The following CFAP44 variants were observed in gnomAD, a reference collection of about 807,000 sequenced individuals.
The protein encoded by CFAP44 is cilia- and flagella-associated protein 44.
A neutral mutation model predicts 216.2 loss-of-function variants in CFAP44; 134 were observed. That is an observed-to-expected ratio of 0.62 (90% CI 0.54 to 0.72). The LOEUF is 0.72. Ranked by LOEUF, CFAP44 falls within the 30% of genes least tolerant of loss-of-function variation. CFAP44 has a pLI of 0.00. For synonymous variants in CFAP44, 700 were observed against 727.6 expected (o/e 0.96, Z 0.61); for missense variants, 2,035 against 2,182.1 (o/e 0.93, Z 1.34).
At chr3:113,363,765 CTAATCA>C (rs1232944240) in intron 19 of CFAP44, among the ~76,000 whole-genome samples, 1 of 152,076 alleles carries the variant, frequency 6.6e-6, no homozygotes, top group Non-Finnish European at 1.5e-5. Flanking sequence ...AAGTCTTAAC[CTAATCA>C]TATGTTTGCA....
intron 26 of CFAP44, among the ~76,000 whole-genome samples, chr3:113,328,696 TA>T (rs58650082): frequency 3.5e-5 from 1 of 28,530 alleles, no homozygotes; most frequent in Non-Finnish European, 6.1e-5. Context: ...TTAGAGAGCT[TA>T]AAAAAAAAAA....
chr3:113,346,871 T>C (rs569569804), intron 22 of CFAP44, among the ~76,000 whole-genome samples: 37 of 152,322 alleles, frequency 2.4e-4, no homozygotes, highest in Middle Eastern at 3.4e-3. Context: ...TTTGTTTTTT[T>C]GCTCTTCACA....
At chr3:113,314,560 A>G (rs887530376) in intron 28 of CFAP44, among the ~76,000 whole-genome samples, 3 of 152,212 alleles carry the variant, frequency 2.0e-5, no homozygotes, top group Non-Finnish European at 4.4e-5. Flanking sequence ...AGCAAACAAT[A>G]AAAGAAGGAA....
intron 25 of CFAP44, among the ~76,000 whole-genome samples, chr3:113,332,476 T>C (rs1950248477): frequency 6.6e-6 from 1 of 152,198 alleles, no homozygotes; most frequent in Admixed American, 6.5e-5. Context: ...AAAAATACTA[T>C]TAATATAACC....
At chr3:113,373,381 T>G in intron 18 of CFAP44, 30 bp downstream of exon 18, 1 of 1,500,256 alleles carries the variant, frequency 6.7e-7, no homozygotes, top group Non-Finnish European at 8.9e-7. Flanking sequence ...AGGATATGGT[T>G]TTTTTAAAGC....
At chr3:113,412,267 C>T (rs534044675) in intron 6 of CFAP44, among the ~76,000 whole-genome samples, 3 of 152,038 alleles carry the variant, frequency 2.0e-5, no homozygotes, top group East Asian at 3.9e-4. Context: ...AAAACCCCAT[C>T]GTCTCAGCTT....
At chr3:113,435,706 G>A (rs1314929098) in intron 1 of CFAP44, among the ~76,000 whole-genome samples, 1 of 145,376 alleles carries the variant, frequency 6.9e-6, no homozygotes, top group African/African-American at 2.6e-5. Context: ...TCCAGCCTGA[G>A]TGACAGACCA....
intron 2 of CFAP44, among the ~76,000 whole-genome samples, chr3:113,428,346 G>A (rs1255794145): frequency 3.3e-5 from 5 of 152,192 alleles, no homozygotes; most frequent in Non-Finnish European, 7.3e-5. Context: ...TACAGATGAA[G>A]GAGAAGACGT....
At chr3:113,419,300 T>C (rs998827175) in intron 5 of CFAP44, among the ~76,000 whole-genome samples, 5 of 152,146 alleles carry the variant, frequency 3.3e-5, no homozygotes, top group African/African-American at 1.2e-4. Context: ...CTAGTTTTTT[T>C]TTCTTTTTAC....
intron 28 of CFAP44, among the ~76,000 whole-genome samples, chr3:113,308,812 C>A (rs1232601209): frequency 6.6e-6 from 1 of 152,018 alleles, no homozygotes; most frequent in Non-Finnish European, 1.5e-5. Context: ...CGCCATGTTG[C>A]CCAGGCCGAT....
chr3:113,317,841 C>A (rs76434622), intron 28 of CFAP44, among the ~76,000 whole-genome samples: 4,115 of 152,294 alleles, frequency 0.027, 205 homozygotes, highest in African/African-American at 0.094. Context: ...TGCAAGGGGG[C>A]CCCATGGCCT....
rs750035941 is a variant in CFAP44, at chr3:113,363,171, G to C, written c.2908C>G (p.Pro970Ala). ...CNLLEMNEKL[P>A]KHMQFKRTDF... ...GTTCGTTTAAACTGCATATGCTTTG[G>C]TAATTTTTCATTCATTTCTAATAGA... is the stretch of plus-strand genomic sequence containing the variant. The change falls in exon 21 of 35, where the codon CCA becomes GCA. Residue 970 changes from proline (P) to alanine (A), a missense_variant. Pro to Ala is a conservative substitution (Grantham distance 27). Coordinates refer to ENST00000393845, the MANE Select transcript of CFAP44 (RefSeq NM_001164496.2). 2 of 1,609,252 alleles carry C rather than the reference G, an allele frequency of 1.2e-6. No individual in the cohort carries two copies. The highest frequency in any genetic ancestry group is 1.7e-6 in the Non-Finnish European group (2 of 1,178,496).
At chr3:113,419,257 CAGTT>C (rs1934740735) in intron 5 of CFAP44, among the ~76,000 whole-genome samples, 1 of 152,124 alleles carries the variant, frequency 6.6e-6, no homozygotes, top group South Asian at 2.1e-4. Flanking sequence ...TATCTGCACA[CAGTT>C]ATTGCCACAT....
Position 113,366,291 on chromosome 3 carries a change from C to T in CFAP44, c.2463G>A (p.Met821Ile), listed in dbSNP as rs1293026488. ...TTGCTCCATTTTTCATTCCACAAAA[C>T]ATCATAACTTTGTTAATGCTACGAA... ...TITFNINKVMMFCGMKNGAIR... is the reference protein window; with the variant it reads ...TITFNINKVMIFCGMKNGAIR... The change falls in exon 19 of 35, where the codon ATG becomes ATA. Residue 821 changes from methionine (M) to isoleucine (I), a missense_variant. Transcript: ENST00000393845. 3 of 1,598,666 alleles carry T rather than the reference C, an allele frequency of 1.9e-6. No homozygotes were observed. Among genetic ancestry groups the T allele is most frequent in the Non-Finnish European group, 2.6e-6 (3 of 1,168,566 alleles).
At position 113,396,682 on chromosome 3, in the gene CFAP44, C is replaced by T. The variant is rs1159698573; in HGVS notation, c.1615G>A (p.Val539Ile). The change falls in exon 14 of 35, where the codon GTT becomes ATT. Residue 539 changes from valine to isoleucine, a missense_variant. Val to Ile is a conservative substitution (Grantham distance 29). This residue lies in a region of CFAP44 where 1,883 missense variants were observed against 2,023.7 expected (regional missense o/e 0.93). Coordinates refer to ENST00000393845, the MANE Select transcript of CFAP44 (RefSeq NM_001164496.2). ...TCATAAAGTTCAAGAATTCGAACAA[C>T]TCCATCTTCAAATCCTACAATAATT... ...AQIIVGFEDG[V>I]VRILELYDPK... is the part of the protein sequence containing the mutation. 1.2e-6 allele frequency: 2 copies of T among 1,613,936 alleles called. No homozygotes were observed. The highest frequency in any genetic ancestry group is 1.3e-5 in the African/African-American group (1 of 74,928).
At chr3:113,362,454 T>G (rs927058724) in intron 21 of CFAP44, among the ~76,000 whole-genome samples, 51 of 152,200 alleles carry the variant, frequency 3.4e-4, no homozygotes, top group African/African-American at 1.2e-3. Flanking sequence ...CCGTATTTTT[T>G]GCATTCATAG....
At chr3:113,325,077 G>A (rs1385608102) in intron 28 of CFAP44, among the ~76,000 whole-genome samples, 1 of 152,050 alleles carries the variant, frequency 6.6e-6, no homozygotes, top group African/African-American at 2.4e-5. Context: ...GCTGAAGTGG[G>A]CAGATCACAA....
At chr3:113,305,475 G>A (rs1949976588) in intron 30 of CFAP44, among the ~76,000 whole-genome samples, 1 of 152,184 alleles carries the variant, frequency 6.6e-6, no homozygotes, top group East Asian at 1.9e-4. Context: ...GTCTTTGACA[G>A]AATGGTGGGA....
chr3:113,347,956 G>A (rs1188387876), intron 22 of CFAP44, among the ~76,000 whole-genome samples: 1 of 152,162 alleles, frequency 6.6e-6, no homozygotes, highest in Non-Finnish European at 1.5e-5. Flanking sequence ...AAGAGGACAG[G>A]CAAGAGTGCA....
Sources: gnomAD v4.1 joint callset for allele counts (sites outside exome capture counted in the v4.1 genomes callset) on GRCh38, gnomAD v4.1.1 for gene constraint, gnomAD v4.1.1 regional missense constraint, MANE v1.5 for transcripts, NCBI Gene and HGNC (gene_info 2026-07-23, HGNC 2026-07-21) for gene names.